Variants in MIS18BP1 observed in about 807,000 individuals in gnomAD.
MIS18BP1 encodes the protein mis18-binding protein 1.
Under a neutral mutation model 116.1 loss-of-function variants are expected in MIS18BP1, and 72 were observed. That is an observed-to-expected ratio of 0.62 (90% confidence interval 0.51 to 0.75). MIS18BP1 has a LOEUF of 0.75. Among genes scored for constraint, MIS18BP1 ranks in the 30% least tolerant of loss-of-function variants. The probability of loss-of-function intolerance (pLI) is 0.00; values close to 1 mark genes in which losing one functional copy is unlikely to be tolerated. For synonymous variants in MIS18BP1, 386 were observed against 427.0 expected, an observed-to-expected ratio of 0.90 and a Z score of 1.18; for missense variants, 1,363 against 1,303.2, an observed-to-expected ratio of 1.05 and a Z score of -0.71.
chr14:45,250,438 AAC>A (rs1891837345), intron 1 of MIS18BP1, among the ~76,000 whole-genome samples: 2 of 152,318 alleles, frequency 1.3e-5, no homozygotes, highest in Non-Finnish European at 2.9e-5. Context: ...CCTCTGATGA[AAC>A]ACAGACATTA....
At chr14:45,241,287 C>T (rs900533603) in intron 4 of MIS18BP1, among the ~76,000 whole-genome samples, 2 of 152,016 alleles carry the variant, frequency 1.3e-5, no homozygotes, top group Non-Finnish European at 2.9e-5. Context: ...TTGGCCAGCA[C>T]GGTAAAACCC....
At position 45,226,865 on chromosome 14, in the gene MIS18BP1, A is replaced by T; in HGVS notation, c.1747-29T>A. ...CAAAACAAAAAGATACCTAGGTTTT[A>T]TTTTAAAACTACTACCAAAACATGA... On this transcript the variant is annotated intron_variant, in intron 9 of 16. Coordinates refer to ENST00000310806, the MANE Select transcript of MIS18BP1 (RefSeq NM_018353.5). The T allele has an allele frequency of 7.6e-6, 10 of 1,308,836 alleles. No homozygotes were observed. In the South Asian group the frequency reaches 1.6e-4, roughly 21 times the overall value. The allele number at this position is 1,308,836 out of a possible 1,614,324, so 81.1% of individuals were successfully genotyped here.
chr14:45,245,438 C>G (rs1250354912), intron 2 of MIS18BP1, among the ~76,000 whole-genome samples: 1 of 151,910 alleles, frequency 6.6e-6, no homozygotes, highest in Non-Finnish European at 1.5e-5. Context: ...GATCTCAGCT[C>G]ACCACAACCT....
chr14:45,204,133 A>ATAAT lies in MIS18BP1; in HGVS notation c.3371_3374dup (p.Tyr1125Ter). 1 of 1,609,742 alleles carries ATAAT rather than the reference A, an allele frequency of 6.2e-7. No homozygotes were observed. The highest frequency in any genetic ancestry group is 8.5e-7 in the Non-Finnish European group (1 of 1,178,502). ...ACTATGCAGAATCAGAGTTCGAAAA[A>ATAAT]TAATAATCTTTCTCTTCTTCATCTA... is the stretch of plus-strand genomic sequence containing the variant. On this transcript the variant is annotated stop_gained and frameshift_variant, in exon 17 of 17. Coordinates refer to ENST00000310806, the MANE Select transcript of MIS18BP1 (RefSeq NM_018353.5). LOFTEE classifies it high-confidence loss of function.
chr14:45,222,888 A>C (rs1011846117), intron 11 of MIS18BP1, among the ~76,000 whole-genome samples: 3 of 152,150 alleles, frequency 2.0e-5, no homozygotes, highest in Non-Finnish European at 2.9e-5. Context: ...AGTACCAAGC[A>C]ACAGACAACA....
At chr14:45,238,404 A>C (rs1297995634) in intron 4 of MIS18BP1, among the ~76,000 whole-genome samples, 1 of 152,194 alleles carries the variant, frequency 6.6e-6, no homozygotes, top group African/African-American at 2.4e-5. Flanking sequence ...GTGGCAATTT[A>C]CTTTATATGT....
Position 45,218,276 on chromosome 14 carries a change from G to A in MIS18BP1, c.2842+6C>T. The A allele has an allele frequency of 1.2e-6, 2 of 1,613,026 alleles. No homozygotes were observed. The highest frequency in any genetic ancestry group is 1.7e-6 in the Non-Finnish European group (2 of 1,179,732). On this transcript the variant is annotated splice_donor_region_variant and intron_variant, in intron 12 of 16. Transcript: ENST00000310806. ...TAGGAAAAAAACTATTTACTACGAA[G>A]GTTACCATTTTGGCCTTTGGAATTG... is the stretch of plus-strand genomic sequence containing the variant.
intron 13 of MIS18BP1, among the ~76,000 whole-genome samples, chr14:45,214,570 C>T (rs1021670734): frequency 1.3e-5 from 2 of 152,134 alleles, no homozygotes; most frequent in African/African-American, 4.8e-5. Context: ...TGCTGAGTGC[C>T]GGTCCCCTGG....
Position 45,232,743 on chromosome 14 carries a change from C to T in MIS18BP1, c.1426G>A (p.Glu476Lys). ...AAAACAACATTTTACCTTAATTGTTCCAGAAAATTATCAATGTGCTCTTTC... is the reference window on the plus strand; with the variant it reads ...AAAACAACATTTTACCTTAATTGTTTCAGAAAATTATCAATGTGCTCTTTC... ...NWKEHIDNFL[E>K]QLRAGEKNRE... Residue 476 changes from glutamate (E) to lysine (K), a missense_variant, in exon 7 of 17, where the codon GAA becomes AAA. Physicochemically the swap from Glu to Lys is moderately conservative, Grantham distance 56 (BLOSUM62 1). Coordinates refer to ENST00000310806, the MANE Select transcript of MIS18BP1 (RefSeq NM_018353.5). The T allele has an allele frequency of 6.9e-7, 1 of 1,453,284 alleles. No individual in the cohort carries two copies. The highest frequency in any genetic ancestry group is 9.4e-7 in the Non-Finnish European group (1 of 1,068,352). The allele number at this position is 1,453,284 out of a possible 1,614,324, so 90.0% of individuals were successfully genotyped here.
At chr14:45,228,126 G>A (rs1163312954) in intron 8 of MIS18BP1, among the ~76,000 whole-genome samples, 1 of 152,148 alleles carries the variant, frequency 6.6e-6, no homozygotes, top group East Asian at 1.9e-4. Context: ...TTGTGCCACT[G>A]TACTCCAGCC....
chr14:45,213,959 T>G (rs985181347), intron 13 of MIS18BP1, among the ~76,000 whole-genome samples: 1 of 152,148 alleles, frequency 6.6e-6, no homozygotes, highest in South Asian at 2.1e-4. Context: ...GCAGTATGCT[T>G]GTTAAAAGTC....
intron 5 of MIS18BP1, among the ~76,000 whole-genome samples, chr14:45,236,519 T>C (rs1379855709): frequency 6.6e-6 from 1 of 152,182 alleles, no homozygotes; most frequent in Non-Finnish European, 1.5e-5. Flanking sequence ...GAAGATGTAT[T>C]AGATAAATGA....
At chr14:45,231,637 C>G (rs1463613862) in intron 7 of MIS18BP1, among the ~76,000 whole-genome samples, 1 of 152,188 alleles carries the variant, frequency 6.6e-6, no homozygotes, top group Non-Finnish European at 1.5e-5. Flanking sequence ...CACTGCCATG[C>G]TAATTCATGT....
chr14:45,237,561 G>C, intron 5 of MIS18BP1, 87 bp downstream of exon 5: 1 of 1,452,154 alleles, frequency 6.9e-7, no homozygotes, highest in East Asian at 2.7e-5. Flanking sequence ...TTTGCTTTGT[G>C]GAGGATGCTA....
intron 6 of MIS18BP1, among the ~76,000 whole-genome samples, chr14:45,235,222 A>C (rs543641621): frequency 8.6e-4 from 130 of 150,598 alleles, no homozygotes; most frequent in African/African-American, 3.1e-3. Context: ...AAAAAAAAAA[A>C]CAACCCCAAG....
rs1006945063 is a variant in MIS18BP1, at chr14:45,242,183, G to A, written c.994C>T (p.Leu332Phe). The change falls in exon 4 of 17, where the codon CTT (leucine) becomes TTT (phenylalanine). Residue 332 changes from leucine to phenylalanine, a missense_variant. Coordinates refer to ENST00000310806, the MANE Select transcript of MIS18BP1 (RefSeq NM_018353.5). ...NGKTVPGETG[L>F]PGSMKDTCKI... ...CATGTATCTTTCATGGAACCTGGAA[G>A]ACCTGTCTCTCCAGGCACTGTTTTT... 1 of 1,613,974 alleles carries A rather than the reference G, an allele frequency of 6.2e-7. No individual in the cohort carries two copies. Among genetic ancestry groups the A allele is most frequent in the African/African-American group, 1.3e-5 (1 of 74,920 alleles).
At chr14:45,209,193 AG>A (rs1347444043) in intron 14 of MIS18BP1, among the ~76,000 whole-genome samples, 28 of 150,276 alleles carry the variant, frequency 1.9e-4, no homozygotes, top group African/African-American at 6.7e-4. Context: ...CACACACACA[AG>A]TATATACATA....
chr14:45,215,207 C>T (rs1236134759), intron 13 of MIS18BP1, among the ~76,000 whole-genome samples: 5 of 152,156 alleles, frequency 3.3e-5, no homozygotes, highest in Non-Finnish European at 1.5e-5. Context: ...AAAGACTTCC[C>T]TCTATAATCA....
intron 11 of MIS18BP1, among the ~76,000 whole-genome samples, chr14:45,223,578 TCAAAACAAAA>T (rs71446152): frequency 6.6e-6 from 1 of 151,914 alleles, no homozygotes; most frequent in African/African-American, 2.4e-5. Flanking sequence ...TCCGTCTCAA[TCAAAACAAAA>T]CAAAACAAAA....
Sources: gnomAD v4.1 joint callset for allele counts (sites outside exome capture counted in the v4.1 genomes callset) on GRCh38, gnomAD v4.1.1 for gene constraint, MANE v1.5 for transcripts, NCBI Gene and HGNC (gene_info 2026-07-23, HGNC 2026-07-21) for gene names.